PCDH15: variants seen among roughly 807,000 people sequenced by gnomAD.
PCDH15 encodes the protein protocadherin-15.
A neutral mutation model predicts 178.5 loss-of-function variants in PCDH15; 129 were observed. That is an observed-to-expected ratio of 0.72 (90% CI 0.63 to 0.84). The LOEUF (loss-of-function observed/expected upper bound fraction) is 0.84. PCDH15 is among the 40% of genes least tolerant of loss of function. PCDH15 has a pLI of 0.00. For synonymous variants in PCDH15, 800 were observed against 732.0 expected (o/e 1.09, Z -1.50); for missense variants, 2,230 against 2,099.9 (o/e 1.06, Z -1.21).
intron 2 of PCDH15, among the ~76,000 whole-genome samples, chr10:55,142,807 CAA>C (rs1002203809): frequency 1.0e-3 from 159 of 151,700 alleles, no homozygotes; most frequent in Non-Finnish European, 1.7e-3. Flanking sequence ...AGCTGTCATG[CAA>C]AGTCTTTTGT....
chr10:54,859,273 C>T (rs1206668071), intron 3 of PCDH15, among the ~76,000 whole-genome samples: 2 of 152,068 alleles, frequency 1.3e-5, no homozygotes, highest in Non-Finnish European at 2.9e-5. Flanking sequence ...CCAAATCTAA[C>T]TAGTAATAGT....
intron 3 of PCDH15, 28 bp downstream of exon 3, chr10:54,527,784 A>G (rs1384327582): frequency 1.3e-6 from 2 of 1,553,450 alleles, no homozygotes; most frequent in South Asian, 1.1e-5. Context: ...CTTAGATAAG[A>G]CATTTGTAAA....
chr10:55,126,891 A>G (rs1475049692), intron 2 of PCDH15, among the ~76,000 whole-genome samples: 1 of 106,184 alleles, frequency 9.4e-6, no homozygotes. Context: ...AAAAGGAGAC[A>G]TTTTTCTGGA....
At chr10:55,049,892 G>A (rs974100526) in intron 2 of PCDH15, among the ~76,000 whole-genome samples, 13 of 152,004 alleles carry the variant, frequency 8.6e-5, no homozygotes, top group African/African-American at 2.9e-4. Flanking sequence ...CAAAATTCAG[G>A]TAAGACTATT....
At chr10:55,569,665 TG>T (rs771238780) in intron 2 of PCDH15, among the ~76,000 whole-genome samples, 1 of 151,946 alleles carries the variant, frequency 6.6e-6, no homozygotes, top group Non-Finnish European at 1.5e-5. Context: ...TAAGGAAATG[TG>T]GGTGAGTCCT....
intron 2 of PCDH15, among the ~76,000 whole-genome samples, chr10:55,491,087 G>A (rs1320849543): frequency 2.0e-5 from 3 of 151,718 alleles, no homozygotes; most frequent in Non-Finnish European, 4.4e-5. Context: ...GAATTTCATT[G>A]AGAATCCTTG....
At chr10:54,652,845 G>A (rs548082821) in intron 2 of PCDH15, among the ~76,000 whole-genome samples, 29 of 152,082 alleles carry the variant, frequency 1.9e-4, no homozygotes, top group African/African-American at 6.5e-4. Context: ...ATTTAATTAC[G>A]GCATTCCTAG....
intron 2 of PCDH15, among the ~76,000 whole-genome samples, chr10:54,643,462 A>G (rs1198710149): frequency 1.3e-5 from 2 of 152,170 alleles, no homozygotes; most frequent in Admixed American, 6.5e-5. Context: ...TTGCTAATAC[A>G]TTCAAACACA....
intron 13 of PCDH15, among the ~76,000 whole-genome samples, chr10:54,153,984 C>T (rs374835395): frequency 1.3e-5 from 2 of 152,086 alleles, no homozygotes; most frequent in Admixed American, 6.6e-5. Flanking sequence ...CTATTCGGAG[C>T]CCTTGAAATT....
chr10:55,162,003 A>C (rs1430099624), intron 2 of PCDH15, among the ~76,000 whole-genome samples: 1 of 152,188 alleles, frequency 6.6e-6, no homozygotes, highest in Non-Finnish European at 1.5e-5. Flanking sequence ...AAAAAGTTAC[A>C]GCATACCTTG....
At chr10:53,855,366 T>A (rs1490087289) in intron 28 of PCDH15, among the ~76,000 whole-genome samples, 2 of 152,086 alleles carry the variant, frequency 1.3e-5, no homozygotes, top group African/African-American at 4.8e-5. Flanking sequence ...TAATTATTTT[T>A]AAAGTATAAT....
At chr10:54,117,058 C>G (rs1192101239) in intron 15 of PCDH15, among the ~76,000 whole-genome samples, 1 of 152,154 alleles carries the variant, frequency 6.6e-6, no homozygotes, top group East Asian at 1.9e-4. Context: ...CACCTTCTAC[C>G]TGAGGATTGC....
intron 3 of PCDH15, among the ~76,000 whole-genome samples, chr10:54,463,191 T>C (rs1156579269): frequency 6.6e-6 from 1 of 152,102 alleles, no homozygotes; most frequent in Non-Finnish European, 1.5e-5. Context: ...GGCCAGTAAA[T>C]ATTGATATAG....
intron 2 of PCDH15, among the ~76,000 whole-genome samples, chr10:55,073,031 T>G (rs1392504176): frequency 6.6e-6 from 1 of 152,190 alleles, no homozygotes; most frequent in Non-Finnish European, 1.5e-5. Context: ...AGAAAAGGCC[T>G]TTGACAAAAT....
chr10:55,014,547 GA>G (rs1262699854), intron 2 of PCDH15, among the ~76,000 whole-genome samples: 3 of 151,490 alleles, frequency 2.0e-5, no homozygotes, highest in Non-Finnish European at 4.4e-5. Context: ...TCTATACAGT[GA>G]AAAAATGAAA....
intron 7 of PCDH15, among the ~76,000 whole-genome samples, chr10:54,328,209 C>G (rs377139115): frequency 6.5e-4 from 98 of 151,926 alleles, no homozygotes; most frequent in African/African-American, 2.3e-3. Context: ...TTGCCTTTAC[C>G]AGAATGTTAT....
intron 1 of PCDH15, among the ~76,000 whole-genome samples, chr10:55,259,001 C>T (rs981037264): frequency 6.6e-6 from 1 of 152,032 alleles, no homozygotes; most frequent in Non-Finnish European, 1.5e-5. Flanking sequence ...CATTTCTTCC[C>T]TGCTATATAA....
At chr10:54,075,890 C>T (rs2135916238) in intron 17 of PCDH15, among the ~76,000 whole-genome samples, 1 of 152,098 alleles carries the variant, frequency 6.6e-6, no homozygotes, top group African/African-American at 2.4e-5. Context: ...ATAAGTTCTC[C>T]AGCTTTGTTA....
At chr10:53,838,125 G>A (rs892264352) in intron 29 of PCDH15, among the ~76,000 whole-genome samples, 2 of 151,598 alleles carry the variant, frequency 1.3e-5, no homozygotes, top group Non-Finnish European at 2.9e-5. Context: ...ACAGGTGCCC[G>A]CCACCATGCC....
Sources: allele counts gnomAD v4.1 joint callset (sites outside exome capture counted in the v4.1 genomes callset), GRCh38; gene constraint gnomAD v4.1.1; transcripts MANE v1.5; gene names NCBI Gene and HGNC (gene_info 2026-07-23, HGNC 2026-07-21).